The following TTC28 variants were observed in gnomAD, a reference collection of about 807,000 sequenced individuals.
The protein encoded by TTC28 is tetratricopeptide repeat domain 28, also known as tetratricopeptide repeat protein 28.
A neutral mutation model predicts 198.0 loss-of-function variants in TTC28; 61 were observed. The ratio of observed to expected loss-of-function variants is 0.31; its 90% CI spans 0.25 to 0.38. The LOEUF (loss-of-function observed/expected upper bound fraction) is 0.38, where lower values mean the gene tolerates loss of function less well. Among genes scored for constraint, TTC28 ranks in the 10% least tolerant of loss-of-function variants. The pLI, the probability that TTC28 is intolerant of heterozygous loss-of-function variation, is 1.00. For synonymous variants in TTC28, 1,171 were observed against 1,297.8 expected (o/e 0.90, Z 2.10); for missense variants, 2,678 against 3,164.0 (o/e 0.85, Z 3.69).
At chr22:28,651,410 T>C (rs1459764437) in intron 1 of TTC28, among the ~76,000 whole-genome samples, 1 of 151,658 alleles carries the variant, frequency 6.6e-6, no homozygotes, top group Non-Finnish European at 1.5e-5. Context: ...CAGGTGATCT[T>C]CCCACCTCAG....
intron 2 of TTC28, among the ~76,000 whole-genome samples, chr22:28,552,818 G>A (rs967569703): frequency 2.2e-4 from 26 of 118,308 alleles, no homozygotes; most frequent in African/African-American, 6.6e-4. Context: ...CTCTTTCCAC[G>A]GTCTCCCTCT....
At chr22:28,089,519 TG>T (rs1230376009) in intron 12 of TTC28, among the ~76,000 whole-genome samples, 3 of 56,376 alleles carry the variant, frequency 5.3e-5, no homozygotes, top group African/African-American at 2.1e-4. Context: ...TGTTGTGGGG[TG>T]GGGGGATGGG....
chr22:28,166,186 T>A (rs539344686), intron 5 of TTC28, among the ~76,000 whole-genome samples: 1 of 152,150 alleles, frequency 6.6e-6, no homozygotes, highest in African/African-American at 2.4e-5. Flanking sequence ...AAGCCCTTAG[T>A]GGCCTACAAA....
At chr22:28,173,249 G>A (rs1922852126) in intron 5 of TTC28, among the ~76,000 whole-genome samples, 1 of 152,144 alleles carries the variant, frequency 6.6e-6, no homozygotes, top group South Asian at 2.1e-4. Context: ...TCCTGTTCCT[G>A]TAGAATAAGC....
intron 12 of TTC28, among the ~76,000 whole-genome samples, chr22:28,067,583 A>C (rs1210905958): frequency 6.6e-6 from 1 of 152,200 alleles, no homozygotes; most frequent in Non-Finnish European, 1.5e-5. Flanking sequence ...TGACATCTAC[A>C]AACCTACGAG....
chr22:27,978,732 C>G lies in TTC28; in HGVS notation c.*3489G>C, dbSNP rs1470524139. On this transcript the variant is annotated 3_prime_UTR_variant, in exon 23 of 23. Transcript: ENST00000397906. ...TGTAAGTTTTAGTAGCAATTTTTCT[C>G]TTGATATTTTGACTTAATTAAAAAA... 1.3e-5 allele frequency: 2 copies of G among 152,194 alleles called. No individual in the cohort carries two copies. Among genetic ancestry groups the G allele is most frequent in the Non-Finnish European group, 2.9e-5 (2 of 68,038 alleles). 9.4% of individuals were successfully genotyped at this position (152,194 alleles called of 1,614,324 possible). A position where few individuals can be genotyped will look rare whatever the true frequency, so the allele number is the denominator to read the frequency against.
chr22:28,223,236 C>A (rs1004480304), intron 5 of TTC28, among the ~76,000 whole-genome samples: 6 of 152,142 alleles, frequency 3.9e-5, no homozygotes, highest in Admixed American at 1.3e-4. Context: ...TGAGAACATA[C>A]CAATGTGCTT....
At chr22:28,519,514 A>C (rs1194200405) in intron 2 of TTC28, among the ~76,000 whole-genome samples, 1 of 152,222 alleles carries the variant, frequency 6.6e-6, no homozygotes, top group Non-Finnish European at 1.5e-5. Context: ...TGGAGTTTGC[A>C]CAGAAATAAC....
At chr22:28,476,833 TAAC>T (rs2048174923) in intron 2 of TTC28, among the ~76,000 whole-genome samples, 1 of 152,170 alleles carries the variant, frequency 6.6e-6, no homozygotes, top group Non-Finnish European at 1.5e-5. Context: ...TGAATGTTCA[TAAC>T]AACTTTATTC....
chr22:28,334,670 A>G (rs2045677864), intron 2 of TTC28, among the ~76,000 whole-genome samples: 1 of 152,160 alleles, frequency 6.6e-6, no homozygotes. Flanking sequence ...GTGTCTGTTC[A>G]TATCCTTCAC....
At chr22:27,984,616 T>C (rs1393619781) in intron 22 of TTC28, among the ~76,000 whole-genome samples, 3 of 152,200 alleles carry the variant, frequency 2.0e-5, no homozygotes, top group African/African-American at 7.2e-5. Context: ...GCTGCCTGCA[T>C]GGATGCCTAA....
intron 2 of TTC28, among the ~76,000 whole-genome samples, chr22:28,560,399 C>G (rs1371170874): frequency 6.6e-6 from 1 of 152,176 alleles, no homozygotes; most frequent in Non-Finnish European, 1.5e-5. Context: ...CTGCTCAAAA[C>G]TTTCCAATGG....
chr22:28,657,470 T>C (rs775926853), intron 1 of TTC28, among the ~76,000 whole-genome samples: 4 of 152,210 alleles, frequency 2.6e-5, no homozygotes, highest in Non-Finnish European at 5.9e-5. Context: ...GTGGGCAGAA[T>C]AAAGGCAACA....
At chr22:28,645,071 G>A (rs2051436485) in intron 1 of TTC28, among the ~76,000 whole-genome samples, 1 of 151,960 alleles carries the variant, frequency 6.6e-6, no homozygotes, top group African/African-American at 2.4e-5. Context: ...TGTGAACCCA[G>A]GAGGCAGAGC....
intron 2 of TTC28, among the ~76,000 whole-genome samples, chr22:28,456,433 A>C (rs1466672168): frequency 6.6e-6 from 1 of 152,190 alleles, no homozygotes; most frequent in Admixed American, 6.5e-5. Flanking sequence ...AATACAAAAA[A>C]AGTGAATTGT....
At chr22:28,028,870 A>G (rs1480756115) in intron 13 of TTC28, 2 of 401,870 alleles carry the variant, frequency 5.0e-6, no homozygotes, top group Non-Finnish European at 1.0e-5. Flanking sequence ...CAGGGTAAGA[A>G]GCCATCCCCA....
intron 6 of TTC28, among the ~76,000 whole-genome samples, chr22:28,131,838 G>A (rs1281218295): frequency 6.6e-6 from 1 of 152,096 alleles, no homozygotes; most frequent in African/African-American, 2.4e-5. Context: ...TCAACAAATG[G>A]CTACTATTAT....
At chr22:28,395,232 G>T (rs2046795421) in intron 2 of TTC28, among the ~76,000 whole-genome samples, 1 of 152,034 alleles carries the variant, frequency 6.6e-6, no homozygotes, top group Non-Finnish European at 1.5e-5. Flanking sequence ...ACAAATATCT[G>T]CCATATATAA....
chr22:27,982,828 T>C lies in TTC28; in HGVS notation c.6839A>G (p.Gln2280Arg), dbSNP rs542940557. 1.1e-5 allele frequency: 17 copies of C among 1,541,188 alleles called. No individual in the cohort carries two copies. The African/African-American group carries it at 2.3e-4, about 21-fold the overall frequency. ...PSPGCDSQTS[Q>R]LDQPLFKLKY... The stretch of plus-strand genomic sequence containing the variant: ...CAGTTTAAAGAGAGGCTGGTCCAGC[T>C]GGGAAGTCTGTGAGTCGCAGCCGGG... The change falls in exon 23 of 23, where the codon CAG becomes CGG. Residue 2280 changes from glutamine to arginine, a missense_variant. This residue lies in a region of TTC28 where 622 missense variants were observed against 656.0 expected (regional missense o/e 0.95). Coordinates refer to ENST00000397906, the MANE Select transcript of TTC28 (RefSeq NM_001145418.2). This position sits in a 1 kb window ranked among gnomAD's most constrained non-coding sequence, Gnocchi z 5.2.
Sources: allele counts gnomAD v4.1 joint callset (sites outside exome capture counted in the v4.1 genomes callset), GRCh38; gene constraint gnomAD v4.1.1; regional missense constraint gnomAD v4.1.1; non-coding constraint Gnocchi (gnomAD v3.1); transcripts MANE v1.5; gene names NCBI Gene and HGNC (gene_info 2026-07-23, HGNC 2026-07-21).